The following ZNF407 variants were observed in gnomAD, a reference collection of about 807,000 sequenced individuals.
The protein encoded by ZNF407 is zinc finger protein 407.
In ZNF407, 17 loss-of-function variants were observed where a neutral mutation model predicts 131.2. The observed-to-expected ratio is 0.13, with a 90% CI of 0.09 to 0.19. ZNF407 has a LOEUF of 0.19. Among genes scored for constraint, ZNF407 ranks in the 10% least tolerant of loss-of-function variants. The pLI is 1.00. For missense variants in ZNF407, 2,681 were observed against 2,830.6 expected, an observed-to-expected ratio of 0.95 and a Z score of 1.20; for synonymous variants, 1,156 against 1,062.0, an observed-to-expected ratio of 1.09 and a Z score of -1.72.
rs552023919 is a variant in ZNF407 at position 74,681,589 on chromosome 18, G to C, written c.4802+40467G>C. ...GAACTTTTAATATGGTTGAGATGTT[G>C]TGTTATAGACCTTAGATTTGTACGA... On this transcript the variant is annotated intron_variant, in intron 3 of 8. Coordinates refer to ENST00000299687, the MANE Select transcript of ZNF407 (RefSeq NM_017757.3). Among the ~76,000 whole-genome samples, 9 of 152,248 alleles carry C rather than the reference G, an allele frequency of 5.9e-5. No homozygotes were observed. The South Asian group carries it at 1.9e-3, about 32-fold the overall frequency.
chr18:74,724,747 C>T (rs907251967), intron 3 of ZNF407, among the ~76,000 whole-genome samples: 2 of 152,108 alleles, frequency 1.3e-5, no homozygotes, highest in Non-Finnish European at 2.9e-5. Flanking sequence ...TAATGCTTTC[C>T]ATGTTGGTTG....
At chr18:74,723,135 T>C (rs943236416) in intron 3 of ZNF407, among the ~76,000 whole-genome samples, 3 of 152,210 alleles carry the variant, frequency 2.0e-5, no homozygotes, top group Admixed American at 6.5e-5. Context: ...TTTATTTTTG[T>C]TTCTAAAATT....
chr18:74,821,741 G>A (rs1460034749), intron 4 of ZNF407, among the ~76,000 whole-genome samples: 2 of 152,180 alleles, frequency 1.3e-5, no homozygotes, highest in East Asian at 1.9e-4. Context: ...ATGTGTGCAT[G>A]TGTCTTTATA....
At chr18:74,804,941 C>T (rs776975888) in intron 4 of ZNF407, among the ~76,000 whole-genome samples, 59 of 152,344 alleles carry the variant, frequency 3.9e-4, no homozygotes, top group Admixed American at 6.5e-4. Context: ...TTTTCCTGAA[C>T]ACCTGGGCTG....
intron 7 of ZNF407, chr18:74,905,577 G>T (rs1971585100): frequency 6.6e-6 from 1 of 152,250 alleles, no homozygotes; most frequent in Non-Finnish European, 1.5e-5. Flanking sequence ...TAACTTACAA[G>T]TTTCTTTCTC....
intron 4 of ZNF407, among the ~76,000 whole-genome samples, chr18:74,849,593 A>G (rs147769486): frequency 1.6e-3 from 250 of 152,234 alleles, no homozygotes; most frequent in Middle Eastern, 0.014. Context: ...GAGCAAAGCA[A>G]AACAGTAGCG....
chr18:74,924,914 G>GGAA (rs1321213108), intron 8 of ZNF407, among the ~76,000 whole-genome samples: 1 of 152,148 alleles, frequency 6.6e-6, no homozygotes, highest in Non-Finnish European at 1.5e-5. Flanking sequence ...AATGCTCACT[G>GGAA]GAAGACCCAC....
chr18:74,848,536 T>C (rs1970733710), intron 4 of ZNF407, among the ~76,000 whole-genome samples: 2 of 152,222 alleles, frequency 1.3e-5, no homozygotes, highest in African/African-American at 4.8e-5. Context: ...TTTGGTTTCA[T>C]TGTTTTGTAG....
rs770049988 is a variant in ZNF407 at position 74,633,110 on chromosome 18, G to A, written c.2091G>A (p.Val697=). The A allele has an allele frequency of 6.2e-7, 1 of 1,613,500 alleles. No homozygotes were observed. Among genetic ancestry groups the A allele is most frequent in the South Asian group, 1.1e-5 (1 of 90,936 alleles). ...CCAGGGTAAGCCATGGTAATGAAGT[G>A]AGGCATTCCAGTAAGCCTCAGTTTC... is the stretch of plus-strand genomic sequence containing the variant. ...LKSRVSHGNE[V]RHSSKPQFQC... is the part of the protein sequence containing the mutation. Residue 697 remains valine, a synonymous_variant, in exon 2 of 9, where the codon GTG becomes GTA. Transcript: ENST00000299687.
chr18:74,832,227 C>A (rs1045453213), intron 4 of ZNF407, among the ~76,000 whole-genome samples: 2 of 152,132 alleles, frequency 1.3e-5, no homozygotes, highest in African/African-American at 4.8e-5. Flanking sequence ...TAAGTGGTAA[C>A]AATGAGATTT....
chr18:74,824,650 A>G (rs1459590675), intron 4 of ZNF407, among the ~76,000 whole-genome samples: 1 of 152,194 alleles, frequency 6.6e-6, no homozygotes, highest in Non-Finnish European at 1.5e-5. Context: ...ACACCCTCCA[A>G]AGTCTAAACC....
intron 3 of ZNF407, among the ~76,000 whole-genome samples, chr18:74,746,663 A>G (rs1968675745): frequency 1.3e-5 from 2 of 152,054 alleles, no homozygotes; most frequent in African/African-American, 4.8e-5. Context: ...CCATCTCTGT[A>G]TCTTGTCTCA....
At chr18:74,615,946 T>C (rs1408584361) in intron 1 of ZNF407, among the ~76,000 whole-genome samples, 2 of 152,056 alleles carry the variant, frequency 1.3e-5, no homozygotes, top group African/African-American at 2.4e-5. Context: ...TCACTGCAGC[T>C]TCCGCCTCCC....
intron 8 of ZNF407, among the ~76,000 whole-genome samples, chr18:74,928,633 A>G (rs1438542006): frequency 6.6e-6 from 1 of 152,224 alleles, no homozygotes; most frequent in Non-Finnish European, 1.5e-5. Flanking sequence ...ATGTAATGCT[A>G]TACCAGAGTC....
chr18:74,972,201 T>G (rs1972480643), intron 8 of ZNF407, among the ~76,000 whole-genome samples: 1 of 152,178 alleles, frequency 6.6e-6, no homozygotes, highest in African/African-American at 2.4e-5. Context: ...ACTGTTGTGA[T>G]TTCCAGCATC....
intron 3 of ZNF407, among the ~76,000 whole-genome samples, chr18:74,734,703 GTGTGTGTT>G (rs757617529): frequency 6.3e-4 from 93 of 146,888 alleles, no homozygotes; most frequent in African/African-American, 1.5e-3. Context: ...GTGTGTGTGT[GTGTGTGTT>G]TTTGAGAGAA....
In ZNF407 at chr18:74,633,554, A is replaced by G. The variant is rs1202202919; in HGVS notation, c.2535A>G (p.Lys845=). 6.2e-7 allele frequency: 1 copy of G among 1,614,046 alleles called. No individual in the cohort carries two copies. Among genetic ancestry groups the G allele is most frequent in the South Asian group, 1.1e-5 (1 of 91,076 alleles). ...STTTPKRGRP[K]GNISRTCSHC... is the part of the protein sequence containing the mutation. ...CTACTCCAAAGAGAGGGAGACCTAAAGGTAACATCTCACGGACGTGTTCAC... is the reference window on the plus strand; with the variant it reads ...CTACTCCAAAGAGAGGGAGACCTAAGGGTAACATCTCACGGACGTGTTCAC... The change falls in exon 2 of 9, where the codon AAA becomes AAG. Residue 845 remains lysine (K), a synonymous_variant. Coordinates refer to ENST00000299687, the MANE Select transcript of ZNF407 (RefSeq NM_017757.3).
intron 8 of ZNF407, chr18:75,061,974 A>G (rs1421713653): frequency 1.3e-5 from 2 of 152,236 alleles, no homozygotes; most frequent in African/African-American, 4.8e-5. Context: ...CCTGCTAAAA[A>G]CATTCAGCAC....
At chr18:74,883,019 G>A (rs893716470) in intron 6 of ZNF407, among the ~76,000 whole-genome samples, 9 of 152,358 alleles carry the variant, frequency 5.9e-5, no homozygotes, top group Admixed American at 2.0e-4. Context: ...AGTGGAGACA[G>A]GAATGCTGTG....
Sources: allele counts gnomAD v4.1 joint callset (sites outside exome capture counted in the v4.1 genomes callset), GRCh38; gene constraint gnomAD v4.1.1; transcripts MANE v1.5; gene names NCBI Gene and HGNC (gene_info 2026-07-23, HGNC 2026-07-21).